The following FAM133A variants were observed in gnomAD, a reference collection of about 807,000 sequenced individuals.
FAM133A encodes the protein family with sequence similarity 133 member A, also known as protein FAM133A.
For synonymous variants in FAM133A, 65 were observed against 58.6 expected (o/e 1.11, Z -0.50); for missense variants, 159 against 164.4 (o/e 0.97, Z 0.18).
At chrX:93,697,837 A>G (rs1376246020) in intron 2 of FAM133A, among the ~76,000 whole-genome samples, 1 of 111,834 alleles carries the variant, frequency 8.9e-6, no homozygotes, top group African/African-American at 3.2e-5. Context: ...TTTTGTTGGC[A>G]ATCAAAGTTC....
intron 3 of FAM133A, among the ~76,000 whole-genome samples, chrX:93,703,967 T>C (rs1437204507): frequency 8.9e-6 from 1 of 111,880 alleles, no homozygotes; most frequent in East Asian, 2.8e-4. Context: ...AGAAGAACTG[T>C]TTCCACACTG....
chrX:93,693,633 A>C (rs956694490), intron 2 of FAM133A, among the ~76,000 whole-genome samples: 1 of 111,330 alleles, frequency 9.0e-6, no homozygotes, highest in Non-Finnish European at 1.9e-5. Context: ...TATCCTAATA[A>C]AGACTAAAAG....
intron 2 of FAM133A, among the ~76,000 whole-genome samples, chrX:93,692,943 A>G (rs138556659): frequency 9.0e-6 from 1 of 111,499 alleles, no homozygotes; most frequent in Non-Finnish European, 1.9e-5. Context: ...TACTAAGAGG[A>G]TCAGAAAAGT....
At chrX:93,681,808 A>AT (rs1353620500) in intron 2 of FAM133A, among the ~76,000 whole-genome samples, 2 of 111,997 alleles carry the variant, frequency 1.8e-5, no homozygotes, top group Non-Finnish European at 3.8e-5. Flanking sequence ...AAGAATAAGC[A>AT]TTTTTTTGTT....
At position 93,711,172 on chromosome X, in the gene FAM133A, G is replaced by A. The variant is rs1002743688; in HGVS notation, c.*1006G>A. On this transcript the variant is annotated 3_prime_UTR_variant, in exon 4 of 4. Coordinates refer to ENST00000683942, the MANE Select transcript of FAM133A (RefSeq NM_001171109.2). Reference sequence around the variant, plus strand: ...AATTGCACCCTTGCCAAAATATTTAGCATGTGAAAAGGTTTTTTTTAAAAA... The same window carrying A: ...AATTGCACCCTTGCCAAAATATTTAACATGTGAAAAGGTTTTTTTTAAAAA... 1 of 122,318 alleles carries A rather than the reference G, an allele frequency of 8.2e-6. No individual in the cohort carries two copies. Among genetic ancestry groups the A allele is most frequent in the Admixed American group, 9.7e-5 (1 of 10,361 alleles). The allele number at this position is 122,318 out of a possible 1,213,427, so 10.1% of individuals were successfully genotyped here. A position where few individuals can be genotyped will look rare whatever the true frequency, so the allele number is the denominator to read the frequency against.
intron 3 of FAM133A, among the ~76,000 whole-genome samples, chrX:93,708,838 G>A (rs1372871892): frequency 9.0e-6 from 1 of 111,589 alleles, no homozygotes; most frequent in Admixed American, 9.5e-5. Flanking sequence ...TTAAATATCA[G>A]GATTTAGTAA....
At chrX:93,679,549 C>T (rs900987843) in intron 2 of FAM133A, among the ~76,000 whole-genome samples, 8 of 110,438 alleles carry the variant, frequency 7.2e-5, no homozygotes, top group African/African-American at 2.6e-4. Flanking sequence ...TAACATAGCG[C>T]TATTTTTTAA....
At chrX:93,686,131 A>G (rs896099835) in intron 2 of FAM133A, among the ~76,000 whole-genome samples, 49 of 109,317 alleles carry the variant, frequency 4.5e-4, no homozygotes, top group African/African-American at 1.3e-3. Context: ...AAAAAAAAAA[A>G]AATTAACCCT....
At chrX:93,691,459 T>C (rs1183080299) in intron 2 of FAM133A, among the ~76,000 whole-genome samples, 1 of 112,289 alleles carries the variant, frequency 8.9e-6, no homozygotes, top group Non-Finnish European at 1.9e-5. Flanking sequence ...TGACCATAAA[T>C]GTATGCATTT....
Position 93,676,926 on chromosome X carries a change from C to CT in FAM133A, c.-193+2188dup, listed in dbSNP as rs58826696. 9.2e-4 allele frequency among the ~76,000 whole-genome samples: 93 copies of CT among 101,082 alleles called. 1 individual carries two copies. The East Asian group carries it at 0.021, about 23-fold the overall frequency. The allele number at this position is 101,082 out of a possible 115,157, so 87.8% of individuals were successfully genotyped here. A position where few individuals can be genotyped will look rare whatever the true frequency, so the allele number is the denominator to read the frequency against. ...CTTGTAACACACTTATTTTTGTAGC[C>CT]TTTTTTTTTTTTTTGGTCAATTAGT... On this transcript the variant is annotated intron_variant, in intron 2 of 3. Coordinates refer to ENST00000683942, the MANE Select transcript of FAM133A (RefSeq NM_001171109.2).
intron 2 of FAM133A, among the ~76,000 whole-genome samples, chrX:93,694,679 G>A (rs1926106371): frequency 9.0e-6 from 1 of 110,879 alleles, no homozygotes; most frequent in African/African-American, 3.3e-5. Flanking sequence ...TGGGAAAGAG[G>A]GTGTCCTGAT....
intron 2 of FAM133A, among the ~76,000 whole-genome samples, chrX:93,679,465 T>A (rs1924951424): frequency 9.0e-6 from 1 of 111,358 alleles, no homozygotes; most frequent in Non-Finnish European, 1.9e-5. Flanking sequence ...CAATATACCC[T>A]TAACTGCATG....
chrX:93,697,933 GCT>G (rs1569351286), intron 2 of FAM133A, among the ~76,000 whole-genome samples: 3 of 111,480 alleles, frequency 2.7e-5, no homozygotes, highest in Non-Finnish European at 5.7e-5. Context: ...TACCCCAGTC[GCT>G]CTTTCATTAA....
intron 3 of FAM133A, among the ~76,000 whole-genome samples, chrX:93,701,268 A>G (rs1926682119): frequency 8.9e-6 from 1 of 111,950 alleles, no homozygotes; most frequent in African/African-American, 3.2e-5. Flanking sequence ...TCATTTGCAT[A>G]CTGGTCAAAT....
At chrX:93,707,902 T>C (rs763748617) in intron 3 of FAM133A, among the ~76,000 whole-genome samples, 3 of 112,128 alleles carry the variant, frequency 2.7e-5, no homozygotes, top group Non-Finnish European at 5.6e-5. Context: ...AGGCCACACA[T>C]GACCTTTACC....
In FAM133A at chrX:93,711,243, A is replaced by C. The variant is rs1927428237; in HGVS notation, c.*1077A>C. The C allele has an allele frequency of 8.1e-6, 1 of 122,782 alleles. No individual in the cohort carries two copies. The highest frequency in any genetic ancestry group is 1.9e-5 in the Non-Finnish European group (1 of 53,129). The allele number at this position is 122,782 out of a possible 1,213,427, so 10.1% of individuals were successfully genotyped here. A position where few individuals can be genotyped will look rare whatever the true frequency, so the allele number is the denominator to read the frequency against. On this transcript the variant is annotated 3_prime_UTR_variant, in exon 4 of 4. Coordinates refer to ENST00000683942, the MANE Select transcript of FAM133A (RefSeq NM_001171109.2). ...GAAGCTGGTTACTGTACGCAAGTTG[A>C]GTGCCAGACCTCTAGTACGCCGTAT...
intron 2 of FAM133A, among the ~76,000 whole-genome samples, chrX:93,688,463 C>G (rs1602806232): frequency 9.0e-6 from 1 of 110,963 alleles, no homozygotes; most frequent in East Asian, 2.8e-4. Flanking sequence ...GTATATTTGT[C>G]TAACTATTTA....
At position 93,710,818 on chromosome X, in the gene FAM133A, A is replaced by C. The variant is rs2147680945; in HGVS notation, c.*652A>C. ...AACAAGAAGGACAGGAGTTTACAGC[A>C]TAAGTAAGCCCCCATATCTATGAAA... On this transcript the variant is annotated 3_prime_UTR_variant, in exon 4 of 4. Coordinates refer to ENST00000683942, the MANE Select transcript of FAM133A (RefSeq NM_001171109.2). 1 of 122,967 alleles carries C rather than the reference A, an allele frequency of 8.1e-6. No individual in the cohort carries two copies. The highest frequency in any genetic ancestry group is 1.9e-5 in the Non-Finnish European group (1 of 53,193). The allele number at this position is 122,967 out of a possible 1,213,427, so 10.1% of individuals were successfully genotyped here. A position where few individuals can be genotyped will look rare whatever the true frequency, so the allele number is the denominator to read the frequency against.
At chrX:93,678,144 G>A (rs1343167672) in intron 2 of FAM133A, among the ~76,000 whole-genome samples, 4 of 111,308 alleles carry the variant, frequency 3.6e-5, no homozygotes, top group Admixed American at 9.6e-5. Context: ...ACCTTTTCAT[G>A]TGCTGATTTG....
Sources: gnomAD v4.1 joint callset for allele counts (sites outside exome capture counted in the v4.1 genomes callset) on GRCh38, gnomAD v4.1.1 for gene constraint, MANE v1.5 for transcripts, NCBI Gene and HGNC (gene_info 2026-07-23, HGNC 2026-07-21) for gene names.